RAB11FIP3: variants seen among roughly 807,000 people sequenced by gnomAD.
RAB11FIP3 encodes rab11 family-interacting protein 3.
RAB11FIP3 carries 17 observed loss-of-function variants against 77.8 expected under a neutral mutation model. The ratio of observed to expected loss-of-function variants is 0.22; its 90% CI spans 0.15 to 0.33. RAB11FIP3 has a LOEUF of 0.33. Among genes scored for constraint, RAB11FIP3 ranks in the 10% least tolerant of loss-of-function variants. The pLI, the probability that RAB11FIP3 is intolerant of heterozygous loss-of-function variation, is 1.00. For missense variants in RAB11FIP3, 1,005 were observed against 1,011.2 expected (o/e 0.99, Z 0.08); for synonymous variants, 437 against 448.2 (o/e 0.98, Z 0.31).
Position 507,471 on chromosome 16 carries a change from G to T in RAB11FIP3, c.1499+1844G>T, listed in dbSNP as rs1201872291. 6.6e-6 allele frequency among the ~76,000 whole-genome samples: 1 copy of T among 152,046 alleles called. No homozygotes were observed. The highest frequency in any genetic ancestry group is 2.4e-5 in the African/African-American group (1 of 41,374). On this transcript the variant is annotated intron_variant, in intron 8 of 13. Transcript: ENST00000262305. This position sits in a 1 kb window ranked among gnomAD's most constrained non-coding sequence, Gnocchi z 4.6. ...CATGTTGCCCATGCTGGTCTCAAACGCCTGGCCTCAAGCGATCCTCCCACC... is the reference window on the plus strand; with the variant it reads ...CATGTTGCCCATGCTGGTCTCAAACTCCTGGCCTCAAGCGATCCTCCCACC...
At chr16:508,312 G>T (rs1259387604) in intron 8 of RAB11FIP3, among the ~76,000 whole-genome samples, 1 of 152,206 alleles carries the variant, frequency 6.6e-6, no homozygotes, top group Non-Finnish European at 1.5e-5. Flanking sequence ...ATACTTGGAG[G>T]AGGATCTTGT....
At chr16:464,434 G>A (rs780434797) in intron 2 of RAB11FIP3, among the ~76,000 whole-genome samples, 6 of 152,176 alleles carry the variant, frequency 3.9e-5, no homozygotes, top group East Asian at 3.9e-4. Flanking sequence ...GCTGCATGGC[G>A]TGCTGCAGGT....
intron 8 of RAB11FIP3, 43 bp from the exon 9 acceptor site, chr16:510,617 A>G (rs1193875288): frequency 6.5e-7 from 1 of 1,548,730 alleles, no homozygotes; most frequent in Admixed American, 2.0e-5. Flanking sequence ...GCCACTGCAC[A>G]CCCTGCCTGG....
chr16:478,783 T>C (rs1407411623), intron 3 of RAB11FIP3, among the ~76,000 whole-genome samples: 3 of 151,782 alleles, frequency 2.0e-5, no homozygotes, highest in Non-Finnish European at 4.4e-5. Flanking sequence ...CTGGGCAACA[T>C]AGCAAAACCT....
chr16:477,576 G>A (rs558682449), intron 3 of RAB11FIP3: 3 of 976,134 alleles, frequency 3.1e-6, no homozygotes, highest in Admixed American at 6.1e-5. Context: ...CTGGCGTCCC[G>A]CAGGCCCAGC....
chr16:457,843 G>C (rs940483505), intron 1 of RAB11FIP3, among the ~76,000 whole-genome samples: 12 of 152,194 alleles, frequency 7.9e-5, no homozygotes, highest in African/African-American at 2.9e-4. Context: ...TCTGGACTCC[G>C]GATTAGGTAA....
At chr16:513,724 A>C (rs556684136) in intron 9 of RAB11FIP3, among the ~76,000 whole-genome samples, 15 of 152,220 alleles carry the variant, frequency 9.9e-5, no homozygotes, top group Non-Finnish European at 1.8e-4. Context: ...GCCTTATCTA[A>C]GAAGAGCTCC....
At chr16:465,829 T>G (rs1420287077) in intron 2 of RAB11FIP3, among the ~76,000 whole-genome samples, 3 of 152,154 alleles carry the variant, frequency 2.0e-5, no homozygotes, top group Non-Finnish European at 4.4e-5. Flanking sequence ...GGTCGTGAAC[T>G]CCTGACCTCA....
chr16:453,586 G>A (rs1266183486), intron 1 of RAB11FIP3: 1 of 107,324 alleles, frequency 9.3e-6, no homozygotes, highest in East Asian at 2.5e-4. Context: ...TAGGAAGTTG[G>A]TTTTTTTTTT....
chr16:518,067 G>T (rs992357190), intron 9 of RAB11FIP3, among the ~76,000 whole-genome samples: 2 of 152,300 alleles, frequency 1.3e-5, no homozygotes, highest in Admixed American at 6.5e-5. Flanking sequence ...GGGCAACAGA[G>T]TGAGACTGTC....
At chr16:492,289 T>G (rs9931031) in intron 5 of RAB11FIP3, among the ~76,000 whole-genome samples, 2 of 151,326 alleles carry the variant, frequency 1.3e-5, no homozygotes, top group Non-Finnish European at 3.0e-5. Flanking sequence ...GGCCCGGCAC[T>G]GATGGCCATT....
At chr16:448,414 A>G (rs1276044911) in intron 1 of RAB11FIP3, among the ~76,000 whole-genome samples, 2 of 150,088 alleles carry the variant, frequency 1.3e-5, no homozygotes, top group Non-Finnish European at 3.0e-5. Context: ...GACCAGCCTG[A>G]TCAACATGGA....
chr16:461,337 G>A lies in RAB11FIP3; in HGVS notation c.715-67G>A, dbSNP rs1203039. 3 of 1,273,230 alleles carry A rather than the reference G, an allele frequency of 2.4e-6. No individual in the cohort carries two copies. Among genetic ancestry groups the A allele is most frequent in the South Asian group, 1.3e-5 (1 of 77,932 alleles). The allele number at this position is 1,273,230 out of a possible 1,614,324, so 78.9% of individuals were successfully genotyped here. ...CCACACACCAGATCTCTCCCAGTCC[G>A]AGGTCCAGGGTTGGGGACCCCTGCT... On this transcript the variant is annotated intron_variant, in intron 1 of 13. Coordinates refer to ENST00000262305, the MANE Select transcript of RAB11FIP3 (RefSeq NM_014700.4). This position sits in a 1 kb window ranked among gnomAD's most constrained non-coding sequence, Gnocchi z 4.5.
At chr16:442,508 CCTCCCGCT>C (rs2141863833) in intron 1 of RAB11FIP3, among the ~76,000 whole-genome samples, 1 of 152,310 alleles carries the variant, frequency 6.6e-6, no homozygotes, top group South Asian at 2.1e-4. Flanking sequence ...TTCTGGTCTT[CCTCCCGCT>C]CAGCCGGGCT....
intron 1 of RAB11FIP3, among the ~76,000 whole-genome samples, chr16:444,632 G>C (rs1327230236): frequency 2.6e-5 from 4 of 151,134 alleles, no homozygotes; most frequent in Admixed American, 2.6e-4. Flanking sequence ...TGTTTTACTT[G>C]AGGTCAGGAG....
Position 460,460 on chromosome 16 carries a change from C to G in RAB11FIP3, c.715-944C>G, listed in dbSNP as rs143870166. ...AGGTATTTTCTGTAATACTCTCCCC[C>G]CTCCCACCCCATCCCCTGAAAATTT... On this transcript the variant is annotated intron_variant, in intron 1 of 13. Transcript: ENST00000262305. Among the ~76,000 whole-genome samples the G allele has an allele frequency of 1.7e-3, 256 of 152,076 alleles. 2 individuals carry two copies. The highest frequency in any genetic ancestry group is 6.2e-3 in the East Asian group (32 of 5,172).
At chr16:450,220 A>C (rs2055384665) in intron 1 of RAB11FIP3, among the ~76,000 whole-genome samples, 1 of 151,966 alleles carries the variant, frequency 6.6e-6, no homozygotes, top group Non-Finnish European at 1.5e-5. Flanking sequence ...CCCAGGCTGG[A>C]GTGCAGTGGA....
At chr16:502,723 C>T (rs2031600040) in intron 6 of RAB11FIP3, 1 of 511,422 alleles carries the variant, frequency 2.0e-6, no homozygotes, top group Admixed American at 3.9e-5. Context: ...CTGGCTGGGA[C>T]TGAGGTCATG....
chr16:495,999 C>T (rs954049416), intron 5 of RAB11FIP3, among the ~76,000 whole-genome samples: 12 of 152,200 alleles, frequency 7.9e-5, no homozygotes, highest in Non-Finnish European at 1.2e-4. Context: ...ATCCACCCGC[C>T]TCAGCCTCCC....
Sources: gnomAD v4.1 joint callset for allele counts (sites outside exome capture counted in the v4.1 genomes callset) on GRCh38, gnomAD v4.1.1 for gene constraint, Gnocchi (gnomAD v3.1) non-coding constraint, MANE v1.5 for transcripts, NCBI Gene and HGNC (gene_info 2026-07-23, HGNC 2026-07-21) for gene names.